Variants in FNDC8 observed in about 807,000 individuals in gnomAD.
FNDC8 encodes fibronectin type III domain-containing protein 8.
Under a neutral mutation model 24.8 loss-of-function variants are expected in FNDC8, and 23 were observed. The ratio of observed to expected loss-of-function variants is 0.93; its 90% CI spans 0.67 to 1.31. FNDC8 has a LOEUF of 1.31. Among genes scored for constraint, FNDC8 ranks in the 40% most tolerant of loss-of-function variants. The probability of loss-of-function intolerance (pLI) is 0.00; values close to 1 mark genes in which losing one functional copy is unlikely to be tolerated. For synonymous variants in FNDC8, 158 were observed against 165.3 expected, an observed-to-expected ratio of 0.96 and a Z score of 0.34; for missense variants, 371 against 398.2, an observed-to-expected ratio of 0.93 and a Z score of 0.58.
intron 1 of FNDC8, among the ~76,000 whole-genome samples, chr17:35,123,320 G>T (rs62062405): frequency 0.017 from 2,532 of 152,276 alleles, 43 homozygotes; most frequent in Non-Finnish European, 0.027. Context: ...CCGTAAGCAA[G>T]CAGGTATGGC....
intron 2 of FNDC8, 42 bp downstream of exon 2, chr17:35,127,459 G>A: frequency 6.6e-7 from 1 of 1,504,776 alleles, no homozygotes; most frequent in Non-Finnish European, 8.8e-7. Flanking sequence ...GGCTTATTGT[G>A]CCAGGCACTG....
At chr17:35,127,905 G>A (rs1425967060) in intron 2 of FNDC8, among the ~76,000 whole-genome samples, 1 of 152,188 alleles carries the variant, frequency 6.6e-6, no homozygotes, top group African/African-American at 2.4e-5. Context: ...CTCCTCCCTA[G>A]AGGGTCTAGG....
Position 35,121,641 on chromosome 17 carries a change from C to T in FNDC8, c.-53C>T. The T allele has an allele frequency of 6.3e-7, 1 of 1,576,280 alleles. No individual in the cohort carries two copies. On this transcript the variant is annotated 5_prime_UTR_variant, in exon 1 of 4. Transcript: ENST00000158009. The stretch of plus-strand genomic sequence containing the variant: ...CTGCCCCCACAGTTTCTCTCTGCTT[C>T]TGGTCAGCTGGGTTGTCCTGCATGG...
At chr17:35,125,492 A>T (rs906747402) in intron 1 of FNDC8, among the ~76,000 whole-genome samples, 1 of 152,246 alleles carries the variant, frequency 6.6e-6, no homozygotes, top group Non-Finnish European at 1.5e-5. Context: ...CCAGAGCTAC[A>T]TGTATCAAGA....
Position 35,129,810 on chromosome 17 carries a change from C to T in FNDC8, c.822+152C>T, listed in dbSNP as rs2142495549. On this transcript the variant is annotated intron_variant, in intron 3 of 3. Coordinates refer to ENST00000158009, the MANE Select transcript of FNDC8 (RefSeq NM_017559.4). ...GTCAAGAAGCATCAATTCCAGAATG[C>T]ATGCTTCTGGGAGGTTTAAGGATTA... The T allele has an allele frequency of 1.4e-6, 2 of 1,440,992 alleles. 1 individual carries two copies. The highest frequency in any genetic ancestry group is 3.0e-5 in the South Asian group (2 of 67,522). 89.3% of individuals were successfully genotyped at this position (1,440,992 alleles called of 1,614,324 possible). A position where few individuals can be genotyped will look rare whatever the true frequency, so the allele number is the denominator to read the frequency against.
chr17:35,126,066 A>G (rs1284438099), intron 1 of FNDC8, among the ~76,000 whole-genome samples: 1 of 152,050 alleles, frequency 6.6e-6, no homozygotes, highest in Non-Finnish European at 1.5e-5. Context: ...AATTACAGGC[A>G]ACCGCCACCA....
intron 3 of FNDC8, 44 bp downstream of exon 3, chr17:35,129,702 CAAAG>C (rs770245395): frequency 1.3e-6 from 2 of 1,595,352 alleles, no homozygotes; most frequent in South Asian, 2.2e-5. Context: ...GAGAGAAGTC[CAAAG>C]CCAGGGAACC....
chr17:35,129,856 G>A (rs1054518126), intron 3 of FNDC8, 198 bp downstream of exon 3: 1 of 1,422,828 alleles, frequency 7.0e-7, no homozygotes. Context: ...GGGCCCACTA[G>A]GAATGCAAAC....
At chr17:35,123,664 G>A (rs1295570559) in intron 1 of FNDC8, among the ~76,000 whole-genome samples, 1 of 152,120 alleles carries the variant, frequency 6.6e-6, no homozygotes, top group Non-Finnish European at 1.5e-5. Flanking sequence ...TTTGAACCTG[G>A]GAGGTGGAGG....
intron 2 of FNDC8, chr17:35,129,184 G>T (rs2091861458): frequency 2.0e-6 from 1 of 502,648 alleles, no homozygotes; most frequent in East Asian, 3.3e-5. Flanking sequence ...TGGCGTATAA[G>T]AAATATGGAA....
chr17:35,129,321 C>G, intron 2 of FNDC8, 101 bp from the exon 3 acceptor site: 2 of 1,461,782 alleles, frequency 1.4e-6, no homozygotes, highest in Non-Finnish European at 1.9e-6. Flanking sequence ...CCAGCAGGAG[C>G]AGGGGATGGG....
In FNDC8 at chr17:35,129,611, C is replaced by T. The variant is rs773802193; in HGVS notation, c.775C>T (p.Arg259Cys). The T allele has an allele frequency of 2.3e-5, 37 of 1,613,990 alleles. No individual in the cohort carries two copies. Among genetic ancestry groups the T allele is most frequent in the Admixed American group, 1.7e-4 (10 of 59,994 alleles). ...TAACACGTGTTACTGCCTCAGTGTC[C>T]GTGCAGCCAACACAGCTGGGGTGGG... ...KPNTCYCLSV[R>C]AANTAGVGKW... The change falls in exon 3 of 4, where the codon CGT (arginine) becomes TGT (cysteine). Residue 259 changes from arginine (R) to cysteine (C), a missense_variant. Arg to Cys is a radical substitution (Grantham distance 180, BLOSUM62 -3). Coordinates refer to ENST00000158009, the MANE Select transcript of FNDC8 (RefSeq NM_017559.4).
At position 35,129,500 on chromosome 17, in the gene FNDC8, G is replaced by A. The variant is rs1345192256; in HGVS notation, c.664G>A (p.Glu222Lys). 6.2e-7 allele frequency: 1 copy of A among 1,614,208 alleles called. No homozygotes were observed. The highest frequency in any genetic ancestry group is 1.1e-5 in the South Asian group (1 of 91,066). The change falls in exon 3 of 4, where the codon GAG (glutamate) becomes AAG (lysine). Residue 222 changes from glutamate (E) to lysine (K), a missense_variant. Coordinates refer to ENST00000158009, the MANE Select transcript of FNDC8 (RefSeq NM_017559.4). The stretch of plus-strand genomic sequence containing the variant: ...GTTACAGGAGGTGGCCAAGACACAG[G>A]AGAATGAGTTGCCCGAGGCAAAGAA... Reference protein sequence around the residue: ...LLLQEVAKTQENELPEAKNRP... With the variant: ...LLLQEVAKTQKNELPEAKNRP...
intron 2 of FNDC8, among the ~76,000 whole-genome samples, chr17:35,128,160 G>A (rs764318860): frequency 6.6e-6 from 1 of 152,222 alleles, no homozygotes; most frequent in Non-Finnish European, 1.5e-5. Flanking sequence ...AAAGCAATTC[G>A]AGCTGTATCT....
rs2091864331 is a variant in FNDC8 at position 35,129,632 on chromosome 17, G to A, written c.796G>A (p.Val266Met). ...TGTCCGTGCAGCCAACACAGCTGGGGTGGGGAAGTGGTGCAAGCCCTACAA... is the reference window on the plus strand; with the variant it reads ...TGTCCGTGCAGCCAACACAGCTGGGATGGGGAAGTGGTGCAAGCCCTACAA... The part of the protein sequence containing the change: ...LSVRAANTAG[V>M]GKWCKPYKFA... Residue 266 changes from valine to methionine, a missense_variant, in exon 3 of 4, where the codon GTG becomes ATG. Transcript: ENST00000158009. 6.2e-7 allele frequency: 1 copy of A among 1,614,074 alleles called. No homozygotes were observed. The highest frequency in any genetic ancestry group is 1.3e-5 in the African/African-American group (1 of 75,026).
Position 35,126,200 on chromosome 17 carries a change from G to A in FNDC8, c.210-842G>A, listed in dbSNP as rs9894118. 5.2e-3 allele frequency among the ~76,000 whole-genome samples: 791 copies of A among 152,242 alleles called. 11 individuals carry two copies. The highest frequency in any genetic ancestry group is 0.018 in the African/African-American group (750 of 41,548). Reference sequence around the variant, plus strand: ...GCCTCCCAAAGTGCTGAGATTACAGGTGTGAGCCACCGCGCCTGGCCCATA... The same window carrying A: ...GCCTCCCAAAGTGCTGAGATTACAGATGTGAGCCACCGCGCCTGGCCCATA... On this transcript the variant is annotated intron_variant, in intron 1 of 3. Coordinates refer to ENST00000158009, the MANE Select transcript of FNDC8 (RefSeq NM_017559.4).
chr17:35,129,079 C>T (rs938190666), intron 2 of FNDC8: 9 of 233,062 alleles, frequency 3.9e-5, no homozygotes, highest in South Asian at 1.7e-4. Context: ...GATGAAGCTT[C>T]GCTTGCTCGC....
In FNDC8 at chr17:35,127,999, C is replaced by T. The variant is rs547670586; in HGVS notation, c.585+582C>T. 1.8e-4 allele frequency among the ~76,000 whole-genome samples: 28 copies of T among 152,144 alleles called. 1 individual carries two copies. In the South Asian group the frequency reaches 5.0e-3, roughly 27 times the overall value. ...CCGCGGGCTACACGTCGAACAACACCGTCCTACACTATGGGAAGTGAAGAC... is the reference window on the plus strand; with the variant it reads ...CCGCGGGCTACACGTCGAACAACACTGTCCTACACTATGGGAAGTGAAGAC... On this transcript the variant is annotated intron_variant, in intron 2 of 3. Coordinates refer to ENST00000158009, the MANE Select transcript of FNDC8 (RefSeq NM_017559.4).
chr17:35,126,002 C>T (rs1422352507), intron 1 of FNDC8, among the ~76,000 whole-genome samples: 2 of 152,120 alleles, frequency 1.3e-5, no homozygotes, highest in Non-Finnish European at 2.9e-5. Flanking sequence ...CTCACTGCAA[C>T]CTCCACCTAC....
Sources: allele counts gnomAD v4.1 joint callset (sites outside exome capture counted in the v4.1 genomes callset), GRCh38; gene constraint gnomAD v4.1.1; transcripts MANE v1.5; gene names NCBI Gene and HGNC (gene_info 2026-07-23, HGNC 2026-07-21).